Variants in CNEP1R1 observed in about 807,000 individuals in gnomAD.
The protein encoded by CNEP1R1 is nuclear envelope phosphatase-regulatory subunit 1.
A neutral mutation model predicts 22.7 loss-of-function variants in CNEP1R1; 10 were observed. The observed-to-expected ratio is 0.44, with a 90% CI of 0.27 to 0.75. The LOEUF is 0.75. Ranked by LOEUF, CNEP1R1 falls within the 30% of genes least tolerant of loss-of-function variation. The pLI, the probability that CNEP1R1 is intolerant of heterozygous loss-of-function variation, is 0.17. For synonymous variants in CNEP1R1, 53 were observed against 50.1 expected (o/e 1.06, Z -0.25); for missense variants, 73 against 151.5 (o/e 0.48, Z 2.72).
chr16:50,025,362 C>T (rs763790112), intron 1 of CNEP1R1, 22 bp downstream of exon 1: 7 of 1,435,646 alleles, frequency 4.9e-6, no homozygotes, highest in Non-Finnish European at 6.4e-6. Flanking sequence ...CGCCCGGGCC[C>T]GTCCCCCGTC....
At chr16:50,030,816 T>A (rs1567411078) in intron 3 of CNEP1R1, among the ~76,000 whole-genome samples, 1 of 152,194 alleles carries the variant, frequency 6.6e-6, no homozygotes, top group Non-Finnish European at 1.5e-5. Flanking sequence ...AACATTTATC[T>A]CTGAAAAAAA....
chr16:50,031,219 G>A (rs879861888), intron 3 of CNEP1R1, among the ~76,000 whole-genome samples: 6 of 152,178 alleles, frequency 3.9e-5, no homozygotes, highest in Non-Finnish European at 7.3e-5. Flanking sequence ...AAAAGCCTAA[G>A]AGAAGGCTTT....
rs1408270087 is a variant in CNEP1R1 at position 50,025,286 on chromosome 16, C to T, written c.-30C>T. 2.8e-6 allele frequency: 4 copies of T among 1,427,660 alleles called. No individual in the cohort carries two copies. Among genetic ancestry groups the T allele is most frequent in the South Asian group, 1.5e-5 (1 of 67,444 alleles). 88.4% of individuals were successfully genotyped at this position (1,427,660 alleles called of 1,614,324 possible). On this transcript the variant is annotated 5_prime_UTR_variant, in exon 1 of 6. An upstream open reading frame in the 5' UTR gains an earlier in-frame stop. Coordinates refer to ENST00000427478, the MANE Select transcript of CNEP1R1 (RefSeq NM_001281789.2). ...CGCGGAAGCTGCGATGCGGACAGGG[C>T]AGCGGCGGTGACCCGAGCTGCCGCC...
intron 5 of CNEP1R1, 153 bp downstream of exon 5, chr16:50,034,309 ATTTAACATC>A (rs1350872330): frequency 1.7e-6 from 1 of 592,586 alleles, no homozygotes; most frequent in African/African-American, 1.9e-5. Flanking sequence ...GTACTTTTAC[ATTTAACATC>A]TTTGGCATTG....
chr16:50,026,631 C>A (rs935027881), intron 2 of CNEP1R1, 164 bp downstream of exon 2: 17 of 608,044 alleles, frequency 2.8e-5, no homozygotes, highest in East Asian at 8.3e-5. Context: ...AACTGGCCTT[C>A]TCAAAAGAAC....
At chr16:50,029,205 A>G (rs1355150723) in intron 2 of CNEP1R1, among the ~76,000 whole-genome samples, 4 of 152,120 alleles carry the variant, frequency 2.6e-5, no homozygotes, top group African/African-American at 7.2e-5. Context: ...CCTTTCTTTA[A>G]GTCTCTTAAA....
intron 3 of CNEP1R1, among the ~76,000 whole-genome samples, chr16:50,030,867 C>CT (rs2036225706): frequency 6.6e-6 from 1 of 152,212 alleles, no homozygotes; most frequent in Non-Finnish European, 1.5e-5. Flanking sequence ...ACTGAGGGAT[C>CT]TCCCACTGGG....
intron 2 of CNEP1R1, among the ~76,000 whole-genome samples, chr16:50,028,974 A>G (rs1221012318): frequency 1.3e-5 from 2 of 152,142 alleles, no homozygotes; most frequent in Non-Finnish European, 2.9e-5. Flanking sequence ...TTGTTCTTGG[A>G]AACTGAATTT....
chr16:50,036,775 C>G lies in CNEP1R1; in HGVS notation c.*1317C>G, dbSNP rs1256062408. 6.6e-6 allele frequency: 1 copy of G among 152,582 alleles called. No individual in the cohort carries two copies. The highest frequency in any genetic ancestry group is 1.5e-5 in the Non-Finnish European group (1 of 68,026). 9.5% of individuals were successfully genotyped at this position (152,582 alleles called of 1,614,324 possible). On this transcript the variant is annotated 3_prime_UTR_variant, in exon 6 of 6. Transcript: ENST00000427478. The stretch of plus-strand genomic sequence containing the variant: ...TAAATATTTTAAAGTACTGGAGGTG[C>G]CTTTTACCTGTTTATTAGATTTTGA...
chr16:50,033,740 T>G (rs989835187), intron 4 of CNEP1R1, among the ~76,000 whole-genome samples: 5 of 151,300 alleles, frequency 3.3e-5, no homozygotes, highest in Admixed American at 6.6e-5. Flanking sequence ...GGTCTGTGCC[T>G]GTAGTCCCAG....
At chr16:50,027,083 A>T (rs979417170) in intron 2 of CNEP1R1, among the ~76,000 whole-genome samples, 1 of 152,160 alleles carries the variant, frequency 6.6e-6, no homozygotes, top group Non-Finnish European at 1.5e-5. Flanking sequence ...ATTTGCCTAC[A>T]AACTATTGGA....
At chr16:50,032,365 G>T (rs998973210) in intron 3 of CNEP1R1, among the ~76,000 whole-genome samples, 1 of 152,192 alleles carries the variant, frequency 6.6e-6, no homozygotes, top group East Asian at 1.9e-4. Flanking sequence ...CTTGTGGATT[G>T]TCCTGTTTTC....
intron 1 of CNEP1R1, 70 bp from the exon 2 acceptor site, chr16:50,026,326 G>A: frequency 9.1e-7 from 1 of 1,101,744 alleles, no homozygotes; most frequent in Non-Finnish European, 1.4e-6. Context: ...CTTAATGTTA[G>A]GTAAATACTC....
chr16:50,025,983 T>C (rs183903119), intron 1 of CNEP1R1, among the ~76,000 whole-genome samples: 2 of 152,366 alleles, frequency 1.3e-5, no homozygotes, highest in African/African-American at 4.8e-5. Flanking sequence ...CAGGTAGACC[T>C]CGAAGACTTT....
At position 50,034,170 on chromosome 16, in the gene CNEP1R1, T is replaced by A. The variant is rs776011379; in HGVS notation, c.336+14T>A. The stretch of plus-strand genomic sequence containing the variant: ...TCTTGTGATGATGTAAGTATTTTTT[T>A]GGTTAGAAAATTATAGACCTGCATG... On this transcript the variant is annotated intron_variant, in intron 5 of 5. Coordinates refer to ENST00000427478, the MANE Select transcript of CNEP1R1 (RefSeq NM_001281789.2). 4 of 1,559,398 alleles carry A rather than the reference T, an allele frequency of 2.6e-6. No homozygotes were observed. In the South Asian group the frequency reaches 4.7e-5, roughly 18 times the overall value.
At chr16:50,030,717 C>A (rs1261819449) in intron 3 of CNEP1R1, among the ~76,000 whole-genome samples, 1 of 152,226 alleles carries the variant, frequency 6.6e-6, no homozygotes, top group Non-Finnish European at 1.5e-5. Flanking sequence ...GTTACCTAAT[C>A]AGTGAAGTCA....
chr16:50,032,216 T>C (rs2036236753), intron 3 of CNEP1R1, among the ~76,000 whole-genome samples: 1 of 152,184 alleles, frequency 6.6e-6, no homozygotes, highest in Non-Finnish European at 1.5e-5. Flanking sequence ...TCCCATCTAG[T>C]TACTAATCCA....
At chr16:50,034,019 G>C in intron 4 of CNEP1R1, 83 bp from the exon 5 acceptor site, 1 of 995,802 alleles carries the variant, frequency 1.0e-6, no homozygotes, top group Non-Finnish European at 1.5e-6. Context: ...CCAAAGTGCT[G>C]GGATTACAGG....
chr16:50,033,825 C>T (rs1259921762), intron 4 of CNEP1R1, among the ~76,000 whole-genome samples: 2 of 148,040 alleles, frequency 1.4e-5, no homozygotes, highest in Non-Finnish European at 3.0e-5. Flanking sequence ...AATCACGCCA[C>T]TGCACTCCAG....
Sources: allele counts gnomAD v4.1 joint callset (sites outside exome capture counted in the v4.1 genomes callset), GRCh38; gene constraint gnomAD v4.1.1; transcripts MANE v1.5; gene names NCBI Gene and HGNC (gene_info 2026-07-23, HGNC 2026-07-21).